KLF12: variants seen among roughly 807,000 people sequenced by gnomAD.
KLF12 encodes KLF transcription factor 12.
Under a neutral mutation model 37.8 loss-of-function variants are expected in KLF12, and 9 were observed. The observed-to-expected ratio is 0.24, with a 90% CI of 0.14 to 0.42. The LOEUF is 0.42. Among genes scored for constraint, KLF12 ranks in the 10% least tolerant of loss-of-function variants. KLF12 has a pLI of 1.00. For missense variants in KLF12, 411 were observed against 516.0 expected (o/e 0.80, Z 1.97); for synonymous variants, 208 against 202.1 (o/e 1.03, Z -0.25).
chr13:74,174,622 C>T, the KLF12 span, among the ~76,000 whole-genome samples: 4 of 152,178 alleles, frequency 2.6e-5, no homozygotes, highest in East Asian at 3.9e-4. Flanking sequence ...CCCCTAAGCC[C>T]GATGTCTCCC....
chr13:73,907,055 A>C (rs370617095), intron 3 of KLF12, among the ~76,000 whole-genome samples: 1 of 152,306 alleles, frequency 6.6e-6, no homozygotes, highest in East Asian at 1.9e-4. Context: ...CATTTCTTCT[A>C]AGAGATTTTC....
chr13:74,069,778 C>T (rs1431492527), intron 1 of KLF12, among the ~76,000 whole-genome samples: 1 of 152,032 alleles, frequency 6.6e-6, no homozygotes, highest in Non-Finnish European at 1.5e-5. Flanking sequence ...GACTTGGTGA[C>T]TCATGAGACG....
At chr13:73,955,489 G>A (rs995394680) in intron 2 of KLF12, among the ~76,000 whole-genome samples, 9 of 152,084 alleles carry the variant, frequency 5.9e-5, no homozygotes, top group Admixed American at 6.5e-5. Context: ...AAACTGTGAC[G>A]ATGTACACAC....
intron 1 of KLF12, among the ~76,000 whole-genome samples, chr13:74,006,485 C>T (rs1892412069): frequency 6.6e-6 from 1 of 152,162 alleles, no homozygotes; most frequent in African/African-American, 2.4e-5. Context: ...TTTTTGTCCA[C>T]ATATATGTAT....
chr13:73,995,350 G>A (rs1187576502), intron 1 of KLF12, among the ~76,000 whole-genome samples: 1 of 152,064 alleles, frequency 6.6e-6, no homozygotes, highest in Non-Finnish European at 1.5e-5. Context: ...TAAAAAGAAA[G>A]GGATGCAACA....
chr13:74,214,084 A>G, the KLF12 span, among the ~76,000 whole-genome samples: 1 of 152,090 alleles, frequency 6.6e-6, no homozygotes, highest in African/African-American at 2.4e-5. Context: ...ATTTTGTGCA[A>G]TTTTTGTTTT....
intron 2 of KLF12, among the ~76,000 whole-genome samples, chr13:73,962,957 A>C (rs1361047657): frequency 6.6e-6 from 1 of 152,208 alleles, no homozygotes; most frequent in Non-Finnish European, 1.5e-5. Context: ...TATATTACTT[A>C]AGCATACTTG....
intron 3 of KLF12, among the ~76,000 whole-genome samples, chr13:73,916,002 T>C (rs896460971): frequency 1.1e-4 from 16 of 152,154 alleles, no homozygotes; most frequent in African/African-American, 3.9e-4. Context: ...ACCTTTCTAC[T>C]TATGGAGAGT....
intron 1 of KLF12, among the ~76,000 whole-genome samples, chr13:74,110,704 T>A (rs577851921): frequency 6.6e-6 from 1 of 152,238 alleles, no homozygotes; most frequent in South Asian, 2.1e-4. Flanking sequence ...AGCTGGTTGG[T>A]CTCGGTTGAG....
rs528244926 is a variant in KLF12, at chr13:74,024,289, A to G, written c.-31-29236T>C. ...AGGAGAAAATACATTCTCAATTCCA[A>G]CTTCATGCTCTAACAAATATCCAAC... On this transcript the variant is annotated intron_variant, in intron 1 of 7. Coordinates refer to ENST00000377669, the MANE Select transcript of KLF12 (RefSeq NM_007249.5). Among the ~76,000 whole-genome samples the G allele has an allele frequency of 2.6e-5, 4 of 152,304 alleles. No individual in the cohort carries two copies. In the East Asian group the frequency reaches 7.7e-4, roughly 29 times the overall value.
In KLF12 at chr13:73,846,428, G is replaced by A. The variant is rs536366818; in HGVS notation, c.124-55C>T. The stretch of plus-strand genomic sequence containing the variant: ...ATCTTTGTTTATCACACATTTTATC[G>A]ATGCATGGCTTACCACTTGAACGTT... On this transcript the variant is annotated intron_variant, in intron 3 of 7. Coordinates refer to ENST00000377669, the MANE Select transcript of KLF12 (RefSeq NM_007249.5). The A allele has an allele frequency of 3.7e-5, 53 of 1,439,202 alleles. No homozygotes were observed. In the African/African-American group the frequency reaches 5.1e-4, roughly 14 times the overall value. The allele number at this position is 1,439,202 out of a possible 1,614,324, so 89.2% of individuals were successfully genotyped here. A position where few individuals can be genotyped will look rare whatever the true frequency, so the allele number is the denominator to read the frequency against.
At position 73,690,301 on chromosome 13, in the gene KLF12, T is replaced by C. The variant is rs1462569310; in HGVS notation, c.*5189A>G. On this transcript the variant is annotated 3_prime_UTR_variant, in exon 8 of 8. Coordinates refer to ENST00000377669, the MANE Select transcript of KLF12 (RefSeq NM_007249.5). ...AGCTTATTCCTATTGCGAGTATAGA[T>C]TCCTTTAACACGTGGCCATATCCAC... is the stretch of plus-strand genomic sequence containing the variant. 1 of 152,606 alleles carries C rather than the reference T, an allele frequency of 6.6e-6. No homozygotes were observed. The allele number at this position is 152,606 out of a possible 1,614,324, so 9.5% of individuals were successfully genotyped here. A position where few individuals can be genotyped will look rare whatever the true frequency, so the allele number is the denominator to read the frequency against.
intron 1 of KLF12, among the ~76,000 whole-genome samples, chr13:74,033,416 C>T (rs888882204): frequency 4.6e-5 from 7 of 152,148 alleles, no homozygotes; most frequent in African/African-American, 1.4e-4. Context: ...TTTCTGTTAA[C>T]TAATCTATAA....
chr13:74,297,892 AG>A, the KLF12 span, among the ~76,000 whole-genome samples: 2 of 152,332 alleles, frequency 1.3e-5, no homozygotes, highest in South Asian at 4.1e-4. Flanking sequence ...AAATTATCAT[AG>A]GTAATAAGAA....
the KLF12 span, among the ~76,000 whole-genome samples, chr13:74,194,278 T>A: frequency 6.6e-6 from 1 of 152,228 alleles, no homozygotes; most frequent in Non-Finnish European, 1.5e-5. Flanking sequence ...AGAAATGTTA[T>A]TGAAGAATTT....
chr13:74,278,423 T>C, the KLF12 span, among the ~76,000 whole-genome samples: 3 of 152,300 alleles, frequency 2.0e-5, no homozygotes, highest in African/African-American at 7.2e-5. Flanking sequence ...TCTAAATTCT[T>C]TGTCTACATA....
intron 1 of KLF12, among the ~76,000 whole-genome samples, chr13:74,127,857 T>C (rs927528741): frequency 2.0e-5 from 3 of 152,240 alleles, no homozygotes; most frequent in South Asian, 2.1e-4. Context: ...AAATCAGACA[T>C]AGCTTAATCA....
chr13:74,090,709 T>C (rs1875601344), intron 1 of KLF12, among the ~76,000 whole-genome samples: 1 of 152,118 alleles, frequency 6.6e-6, no homozygotes, highest in African/African-American at 2.4e-5. Flanking sequence ...TCTGCTACTG[T>C]TGAGTTTTGA....
At chr13:74,058,353 CTTTTT>C (rs55954411) in intron 1 of KLF12, among the ~76,000 whole-genome samples, 1 of 72,644 alleles carries the variant, frequency 1.4e-5, no homozygotes. Context: ...ATAATTTTAT[CTTTTT>C]TTTTTTTTTT....
Sources: gnomAD v4.1 joint callset for allele counts (sites outside exome capture counted in the v4.1 genomes callset) on GRCh38, gnomAD v4.1.1 for gene constraint, MANE v1.5 for transcripts, NCBI Gene and HGNC (gene_info 2026-07-23, HGNC 2026-07-21) for gene names.